The following RBFOX2 variants were observed in gnomAD, a reference collection of about 807,000 sequenced individuals.
RBFOX2 encodes the protein RNA binding fox-1 homolog 2, also known as RNA binding protein fox-1 homolog 2.
Under a neutral mutation model 49.1 loss-of-function variants are expected in RBFOX2, and 10 were observed. The ratio of observed to expected loss-of-function variants is 0.20; its 90% CI spans 0.13 to 0.35. The LOEUF (loss-of-function observed/expected upper bound fraction) is 0.35. Among genes scored for constraint, RBFOX2 ranks in the 10% least tolerant of loss-of-function variants. The pLI, the probability that RBFOX2 is intolerant of heterozygous loss-of-function variation, is 1.00. For synonymous variants in RBFOX2, 183 were observed against 187.4 expected (o/e 0.98, Z 0.19); for missense variants, 323 against 486.9 (o/e 0.66, Z 3.17).
intron 1 of RBFOX2, among the ~76,000 whole-genome samples, chr22:35,883,148 T>G (rs1044910830): frequency 4.6e-5 from 7 of 152,194 alleles, no homozygotes; most frequent in Non-Finnish European, 1.0e-4. Context: ...CTTTCCCTTT[T>G]GATGAAAGGT....
At chr22:35,834,289 C>A (rs1249624615) in intron 1 of RBFOX2, among the ~76,000 whole-genome samples, 3 of 152,142 alleles carry the variant, frequency 2.0e-5, no homozygotes, top group African/African-American at 7.2e-5. Flanking sequence ...TGAGAGGATT[C>A]AATGAGTTAA....
At chr22:35,898,377 C>A in intron 1 of RBFOX2, 14 of 561,312 alleles carry the variant, frequency 2.5e-5, no homozygotes, top group Non-Finnish European at 3.7e-5. Context: ...AGGGCCCAGA[C>A]AACCCGGGAT....
chr22:35,940,710 G>GTTAT (rs1362215262), upstream of RBFOX2, among the ~76,000 whole-genome samples: 1 of 152,098 alleles, frequency 6.6e-6, no homozygotes, highest in Non-Finnish European at 1.5e-5. Flanking sequence ...ATTGATGAAT[G>GTTAT]GATAAATGAA....
At chr22:35,997,623 G>A (rs548295392) in intron 1 of RBFOX2, 2 of 152,338 alleles carry the variant, frequency 1.3e-5, no homozygotes, top group South Asian at 4.1e-4. Flanking sequence ...ACTGAGATGC[G>A]GAGGGAGTAT....
At chr22:35,744,126 T>C in exon 12 of RBFOX2, 3 of 1,292,608 alleles carry the variant, frequency 2.3e-6, no homozygotes, top group African/African-American at 1.5e-5. Flanking sequence ...TGCTATAGAG[T>C]TCCTCTACTA....
intron 1 of RBFOX2, chr22:35,994,234 C>T (rs756427851): frequency 4.6e-5 from 7 of 151,502 alleles, no homozygotes; most frequent in Non-Finnish European, 8.8e-5. Flanking sequence ...GAATCCAACA[C>T]AGTTAAAATA....
At chr22:35,780,888 T>G (rs998958146) in intron 3 of RBFOX2, among the ~76,000 whole-genome samples, 1 of 152,228 alleles carries the variant, frequency 6.6e-6, no homozygotes, top group Non-Finnish European at 1.5e-5. Context: ...TTGTGAATCT[T>G]TTTAGACATT....
At chr22:35,818,274 G>A (rs1424755656) in intron 1 of RBFOX2, among the ~76,000 whole-genome samples, 2 of 152,086 alleles carry the variant, frequency 1.3e-5, no homozygotes, top group African/African-American at 4.8e-5. Flanking sequence ...AACTACTCTG[G>A]TTCAGCTACC....
intron 2 of RBFOX2, among the ~76,000 whole-genome samples, chr22:35,783,026 T>A (rs1945536241): frequency 6.6e-6 from 1 of 152,202 alleles, no homozygotes; most frequent in Non-Finnish European, 1.5e-5. Context: ...TTTGTTTTCC[T>A]TTTTCTTAAC....
At chr22:35,881,474 C>T (rs906961649) in intron 1 of RBFOX2, among the ~76,000 whole-genome samples, 1 of 151,312 alleles carries the variant, frequency 6.6e-6, no homozygotes, top group African/African-American at 2.4e-5. Flanking sequence ...CCCAGCTACT[C>T]GAGGGGCTAA....
At chr22:35,965,999 T>C (rs1057358917), upstream of RBFOX2, among the ~76,000 whole-genome samples, 4 of 151,116 alleles carry the variant, frequency 2.6e-5, no homozygotes, top group African/African-American at 4.9e-5. Context: ...GGCCAAGAAA[T>C]AGGACATTAC....
chr22:35,986,077 C>A (rs2057710097), intron 1 of RBFOX2, among the ~76,000 whole-genome samples: 1 of 152,122 alleles, frequency 6.6e-6, no homozygotes, highest in South Asian at 2.1e-4. Flanking sequence ...AGCAGCCAGT[C>A]CGCTATATTT....
intron 1 of RBFOX2, chr22:35,992,285 A>G (rs2058015380): frequency 6.6e-6 from 1 of 152,160 alleles, no homozygotes; most frequent in South Asian, 2.1e-4. Flanking sequence ...GACAACAGAT[A>G]ACCACACACA....
rs547615132 is a variant in RBFOX2, at chr22:35,967,731, T to TTTTAAC, written c.187-28835_187-28834insGTTAAA. 4.8e-4 allele frequency among the ~76,000 whole-genome samples: 73 copies of TTTTAAC among 152,282 alleles called. 1 individual carries two copies. Among genetic ancestry groups the TTTTAAC allele is most frequent in the South Asian group, 3.5e-3 (17 of 4,818 alleles). On this transcript the variant is annotated intron_variant, in intron 1 of 13. Transcript: ENST00000438146. ...CACCATCCTCAGCTATCCAAGCTGATTTCAACAAAGAACAGGAGGACAAAG... is the reference window on the plus strand; with the variant it reads ...CACCATCCTCAGCTATCCAAGCTGATTTTAACTTCAACAAAGAACAGGAGGACAAAG...
chr22:35,844,245 C>T (rs917113268), upstream of RBFOX2, among the ~76,000 whole-genome samples: 1 of 152,130 alleles, frequency 6.6e-6, no homozygotes, highest in Admixed American at 6.5e-5. Context: ...TATGACTAGA[C>T]TATGAGCAGT....
chr22:35,907,809 G>A (rs1340876277), intron 1 of RBFOX2, among the ~76,000 whole-genome samples: 1 of 152,046 alleles, frequency 6.6e-6, no homozygotes, highest in Admixed American at 6.6e-5. Context: ...ACCATGCCCA[G>A]CTAATTTTTG....
intron 1 of RBFOX2, among the ~76,000 whole-genome samples, chr22:35,985,206 A>G (rs2057648556): frequency 6.6e-6 from 1 of 152,188 alleles, no homozygotes; most frequent in Admixed American, 6.5e-5. Context: ...TGAATGAACA[A>G]CAAAAAAAGA....
In RBFOX2 at chr22:35,982,998, C is replaced by T. The variant is rs1031090448; in HGVS notation, c.187-44101G>A. Among the ~76,000 whole-genome samples the T allele has an allele frequency of 2.6e-5, 4 of 152,116 alleles. No individual in the cohort carries two copies. In the South Asian group the frequency reaches 6.2e-4, roughly 24 times the overall value. On this transcript the variant is annotated intron_variant, in intron 1 of 13. Transcript: ENST00000438146. Reference sequence around the variant, plus strand: ...CTTAGCCTCTTCCCTTCCTCCCCTACAAGGCAGCAAAGCAAACAATGACTG... The same window carrying T: ...CTTAGCCTCTTCCCTTCCTCCCCTATAAGGCAGCAAAGCAAACAATGACTG...
intron 9 of RBFOX2, among the ~76,000 whole-genome samples, chr22:35,757,953 C>T (rs1937493243): frequency 1.3e-5 from 2 of 152,118 alleles, no homozygotes; most frequent in Admixed American, 6.5e-5. Flanking sequence ...ATTAAAAACA[C>T]GAATACATTT....
Sources: allele counts gnomAD v4.1 joint callset (sites outside exome capture counted in the v4.1 genomes callset), GRCh38; gene constraint gnomAD v4.1.1; transcripts MANE v1.5; gene names NCBI Gene and HGNC (gene_info 2026-07-23, HGNC 2026-07-21).